Variants in FBXO21 observed in about 807,000 individuals in gnomAD.
FBXO21 encodes the protein F-box only protein 21.
In FBXO21, 32 loss-of-function variants were observed where a neutral mutation model predicts 76.6. The observed-to-expected ratio is 0.42, with a 90% CI of 0.32 to 0.56. The LOEUF (loss-of-function observed/expected upper bound fraction) is 0.56, where lower values mean the gene tolerates loss of function less well. Among genes scored for constraint, FBXO21 ranks in the 20% least tolerant of loss-of-function variants. The pLI, the probability that FBXO21 is intolerant of heterozygous loss-of-function variation, is 0.16. For missense variants in FBXO21, 586 were observed against 797.3 expected, an observed-to-expected ratio of 0.73 and a Z score of 3.19; for synonymous variants, 328 against 311.5, an observed-to-expected ratio of 1.05 and a Z score of -0.56.
chr12:117,147,597 C>CAAAAA (rs57318190), intron 11 of FBXO21, among the ~76,000 whole-genome samples: 86 of 87,262 alleles, frequency 9.9e-4, no homozygotes, highest in Non-Finnish European at 1.3e-3. Flanking sequence ...GACTCCATCT[C>CAAAAA]AAAAAAAAAA....
chr12:117,150,956 TTGTG>T (rs3999685), intron 11 of FBXO21, among the ~76,000 whole-genome samples: 13,979 of 94,306 alleles, frequency 0.15, 1,022 homozygotes, highest in East Asian at 0.24. Context: ...TCAAATAAGT[TTGTG>T]TGTGTGTGTG....
At chr12:117,163,308 G>A (rs922016471) in intron 9 of FBXO21, among the ~76,000 whole-genome samples, 1 of 150,104 alleles carries the variant, frequency 6.7e-6, no homozygotes, top group Non-Finnish European at 1.5e-5. Context: ...CGAGGCAGGT[G>A]GATCACTTGA....
intron 7 of FBXO21, 63 bp downstream of exon 7, chr12:117,172,408 C>A (rs527775430): frequency 1.9e-6 from 3 of 1,550,158 alleles, no homozygotes; most frequent in Non-Finnish European, 2.6e-6. Flanking sequence ...GAAAATCAGA[C>A]TGCCTCTCAG....
At chr12:117,173,178 G>A (rs985679996) in intron 6 of FBXO21, among the ~76,000 whole-genome samples, 1 of 152,062 alleles carries the variant, frequency 6.6e-6, no homozygotes, top group East Asian at 1.9e-4. Context: ...ACAGGCAACC[G>A]CCACCATGCC....
At chr12:117,150,345 A>G (rs1006280636) in intron 11 of FBXO21, among the ~76,000 whole-genome samples, 1 of 152,174 alleles carries the variant, frequency 6.6e-6, no homozygotes, top group Admixed American at 6.5e-5. Context: ...AATAAATACT[A>G]TGGAAACACT....
In FBXO21 at chr12:117,165,630, A is replaced by G; in HGVS notation, c.1194-13T>C. On this transcript the variant is annotated splice_polypyrimidine_tract_variant and intron_variant, in intron 8 of 11. Coordinates refer to ENST00000622495, the MANE Select transcript of FBXO21 (RefSeq NM_015002.3). ...GTCGATGCCTTCCCTAGCAGAGGAA[A>G]AACAATGTTTGTCTCATCCTGCTTG... 1 of 1,590,096 alleles carries G rather than the reference A, an allele frequency of 6.3e-7. No homozygotes were observed. The highest frequency in any genetic ancestry group is 8.6e-7 in the Non-Finnish European group (1 of 1,165,182).
chr12:117,148,825 A>G (rs2135843603), intron 11 of FBXO21, among the ~76,000 whole-genome samples: 1 of 152,342 alleles, frequency 6.6e-6, no homozygotes, highest in Non-Finnish European at 1.5e-5. Context: ...TCCAGCCCAC[A>G]TTAACACACA....
chr12:117,156,659 G>C (rs1376283451), intron 10 of FBXO21, among the ~76,000 whole-genome samples: 1 of 152,136 alleles, frequency 6.6e-6, no homozygotes, highest in African/African-American at 2.4e-5. Context: ...ACCCCGTATG[G>C]CAGCTGTTGA....
At position 117,182,564 on chromosome 12, in the gene FBXO21, CTTTTTTTT is replaced by C. The variant is rs891529583; in HGVS notation, c.470+3905_470+3912del. 9.5e-3 allele frequency among the ~76,000 whole-genome samples: 788 copies of C among 83,364 alleles called. 17 individuals are homozygous for C. Among genetic ancestry groups the C allele is most frequent in the South Asian group, 0.039 (72 of 1,830 alleles). The allele number at this position is 83,364 out of a possible 152,430, so 54.7% of individuals were successfully genotyped here. A position where few individuals can be genotyped will look rare whatever the true frequency, so the allele number is the denominator to read the frequency against. On this transcript the variant is annotated intron_variant, in intron 3 of 11. Transcript: ENST00000622495. The stretch of plus-strand genomic sequence containing the variant: ...CATTGGGAGGCCACAGCAAGAGGAT[CTTTTTTTT>C]TTTTTTTTTTTTTTTGGACCGAGTC...
At chr12:117,159,871 C>A (rs895035405) in intron 9 of FBXO21, among the ~76,000 whole-genome samples, 1 of 152,204 alleles carries the variant, frequency 6.6e-6, no homozygotes, top group Non-Finnish European at 1.5e-5. Context: ...AGGATAATTA[C>A]CCCCACCTTC....
In FBXO21 at chr12:117,174,221, T is replaced by C. The variant is rs778866381; in HGVS notation, c.860A>G (p.Asn287Ser). 4.3e-6 allele frequency: 7 copies of C among 1,612,302 alleles called. No individual in the cohort carries two copies. Among genetic ancestry groups the C allele is most frequent in the Non-Finnish European group, 2.5e-6 (3 of 1,178,424 alleles). The change falls in exon 6 of 12, where the codon AAC (asparagine) becomes AGC (serine). Residue 287 changes from asparagine to serine, a missense_variant. Coordinates refer to ENST00000622495, the MANE Select transcript of FBXO21 (RefSeq NM_015002.3). Reference sequence around the variant, plus strand: ...TATATTTACCTGATGCATATATAAGTTGAGGGCATTATAGTAATCCATTCG... The same window carrying C: ...TATATTTACCTGATGCATATATAAGCTGAGGGCATTATAGTAATCCATTCG... ...GNRMDYYNAL[N>S]LYMHQVLIRR...
chr12:117,183,165 C>T (rs1372128102), intron 3 of FBXO21, among the ~76,000 whole-genome samples: 1 of 151,622 alleles, frequency 6.6e-6, no homozygotes, highest in Non-Finnish European at 1.5e-5. Flanking sequence ...TTTCTAAAAA[C>T]ACTATAATAT....
intron 7 of FBXO21, among the ~76,000 whole-genome samples, chr12:117,171,023 G>C (rs1304726007): frequency 6.6e-6 from 1 of 152,054 alleles, no homozygotes; most frequent in Non-Finnish European, 1.5e-5. Flanking sequence ...AGCCTGTATG[G>C]GTATTTAAGG....
intron 9 of FBXO21, among the ~76,000 whole-genome samples, 187 bp from the exon 10 acceptor site, chr12:117,158,250 T>G (rs1377380195): frequency 6.6e-6 from 1 of 152,196 alleles, no homozygotes; most frequent in Non-Finnish European, 1.5e-5. Context: ...AAATCGGCAC[T>G]GCAGATGCCC....
intron 11 of FBXO21, among the ~76,000 whole-genome samples, chr12:117,151,518 C>T (rs1955842526): frequency 6.6e-6 from 1 of 152,080 alleles, no homozygotes; most frequent in South Asian, 2.1e-4. Flanking sequence ...ATCATTGGAG[C>T]CAAAGGCTGG....
chr12:117,154,351 C>G (rs1316310887), intron 11 of FBXO21: 1 of 152,208 alleles, frequency 6.6e-6, no homozygotes, highest in Non-Finnish European at 1.5e-5. Flanking sequence ...CCAGGGGATC[C>G]TTTCAGTTTC....
chr12:117,151,912 G>C (rs1955846718), intron 11 of FBXO21, among the ~76,000 whole-genome samples: 1 of 152,196 alleles, frequency 6.6e-6, no homozygotes, highest in Admixed American at 6.5e-5. Context: ...CTGGGGAACA[G>C]GATCTTTACA....
intron 3 of FBXO21, among the ~76,000 whole-genome samples, chr12:117,186,039 AT>A (rs1481555361): frequency 3.3e-5 from 5 of 152,036 alleles, no homozygotes; most frequent in African/African-American, 1.2e-4. Flanking sequence ...CACCCAGCTA[AT>A]TTTTTGTATT....
chr12:117,190,449 G>A lies in FBXO21; in HGVS notation c.8C>T (p.Ala3Val), dbSNP rs776518570. ...CTCCATCGCGCTGTCGACTGCTGCCGCCGCCATCTTGTCCGCGTACCTGGG... is the reference window on the plus strand; with the variant it reads ...CTCCATCGCGCTGTCGACTGCTGCCACCGCCATCTTGTCCGCGTACCTGGG... Reference protein sequence around the residue: MAAAAVDSAMEVV... With the variant: MAVAAVDSAMEVV... The change falls in exon 1 of 12, where the codon GCG becomes GTG. Residue 3 changes from alanine (A) to valine (V), a missense_variant. Transcript: ENST00000622495. 45 of 1,355,278 alleles carry A rather than the reference G, an allele frequency of 3.3e-5. No individual in the cohort carries two copies. The highest frequency in any genetic ancestry group is 7.5e-5 in the Admixed American group (3 of 40,198). The allele number at this position is 1,355,278 out of a possible 1,614,324, so 84.0% of individuals were successfully genotyped here.
Sources: allele counts gnomAD v4.1 joint callset (sites outside exome capture counted in the v4.1 genomes callset), GRCh38; gene constraint gnomAD v4.1.1; transcripts MANE v1.5; gene names NCBI Gene and HGNC (gene_info 2026-07-23, HGNC 2026-07-21).